The following XYLT1 variants were observed in gnomAD, a reference collection of about 807,000 sequenced individuals.
XYLT1 encodes beta-D-xylosyltransferase 1.
A neutral mutation model predicts 91.3 loss-of-function variants in XYLT1; 36 were observed. That is an observed-to-expected ratio of 0.39 (90% CI 0.30 to 0.52). The LOEUF (loss-of-function observed/expected upper bound fraction) is 0.52. Among genes scored for constraint, XYLT1 ranks in the 20% least tolerant of loss-of-function variants. XYLT1 has a pLI of 0.68. For missense variants in XYLT1, 1,242 were observed against 1,284.5 expected (o/e 0.97, Z 0.51); for synonymous variants, 588 against 532.0 (o/e 1.11, Z -1.45).
intron 1 of XYLT1, among the ~76,000 whole-genome samples, chr16:17,390,208 C>T (rs953177369): frequency 3.3e-5 from 5 of 152,044 alleles, no homozygotes; most frequent in African/African-American, 1.2e-4. Context: ...AATATAGGGC[C>T]CTGAGCCGAA....
intron 2 of XYLT1, among the ~76,000 whole-genome samples, chr16:17,305,656 C>A (rs1179611466): frequency 6.6e-6 from 1 of 151,926 alleles, no homozygotes; most frequent in Non-Finnish European, 1.5e-5. Context: ...CCTCATGATC[C>A]CTCCACCACC....
intron 2 of XYLT1, among the ~76,000 whole-genome samples, chr16:17,349,112 T>C (rs976125135): frequency 6.6e-6 from 1 of 152,220 alleles, no homozygotes; most frequent in South Asian, 2.1e-4. Flanking sequence ...AAGGTGCCAC[T>C]GCTGTGCTCA....
At chr16:17,315,112 A>C (rs2034608084) in intron 2 of XYLT1, among the ~76,000 whole-genome samples, 1 of 152,220 alleles carries the variant, frequency 6.6e-6, no homozygotes, top group Admixed American at 6.5e-5. Context: ...AAAAGGCAGA[A>C]GGAGGGAGGA....
chr16:17,264,562 T>C (rs2033773035), intron 2 of XYLT1, among the ~76,000 whole-genome samples: 1 of 152,240 alleles, frequency 6.6e-6, no homozygotes, highest in Admixed American at 6.5e-5. Context: ...CTGTCCTTTC[T>C]GTGGAGACTC....
chr16:17,204,966 CAAAAAAAAAAAAAAA>C (rs530525798), intron 3 of XYLT1, among the ~76,000 whole-genome samples: 8 of 81,288 alleles, frequency 9.8e-5, no homozygotes, highest in African/African-American at 3.6e-4. Context: ...TGCCCAGCTC[CAAAAAAAAAAAAAAA>C]AAAAAAAAAG....
chr16:17,232,245 ATATT>A (rs2033170338), intron 3 of XYLT1, among the ~76,000 whole-genome samples: 2 of 142,568 alleles, frequency 1.4e-5, no homozygotes, highest in South Asian at 2.1e-4. Flanking sequence ...TATATGTAAT[ATATT>A]ATATATAATT....
chr16:17,113,436 C>T (rs1966846224), intron 11 of XYLT1, among the ~76,000 whole-genome samples: 1 of 152,230 alleles, frequency 6.6e-6, no homozygotes, highest in Non-Finnish European at 1.5e-5. Flanking sequence ...AGCCACTGCA[C>T]CAGGCCATGA....
chr16:17,387,972 T>A (rs2035767189), intron 1 of XYLT1, among the ~76,000 whole-genome samples: 1 of 152,208 alleles, frequency 6.6e-6, no homozygotes, highest in African/African-American at 2.4e-5. Context: ...TATCTTAGAC[T>A]GATGCTCGTG....
At chr16:17,183,269 G>GATC (rs2032110355) in intron 5 of XYLT1, among the ~76,000 whole-genome samples, 1 of 152,120 alleles carries the variant, frequency 6.6e-6, no homozygotes, top group Non-Finnish European at 1.5e-5. Context: ...TAAACATTAG[G>GATC]TCACTCTGGA....
At chr16:17,141,100 A>G in intron 7 of XYLT1, 53 bp downstream of exon 7, 1 of 1,567,744 alleles carries the variant, frequency 6.4e-7, no homozygotes, top group Non-Finnish European at 8.7e-7. Context: ...GCTTTGCCAC[A>G]AAGGCTAGAA....
At chr16:17,160,532 T>C (rs1408220445) in intron 5 of XYLT1, among the ~76,000 whole-genome samples, 1 of 152,182 alleles carries the variant, frequency 6.6e-6, no homozygotes, top group Non-Finnish European at 1.5e-5. Flanking sequence ...ATCCTATTAC[T>C]GAAATAAACA....
intron 1 of XYLT1, among the ~76,000 whole-genome samples, chr16:17,366,971 G>A (rs940636735): frequency 2.0e-5 from 3 of 152,016 alleles, no homozygotes; most frequent in Admixed American, 2.0e-4. Flanking sequence ...GCCATAAGGA[G>A]CACTGAATTG....
Position 17,361,451 on chromosome 16 carries a change from T to C in XYLT1, c.364-3401A>G, listed in dbSNP as rs183957513. ...TATACTTTCTAAACACTGACCTCGA[T>C]AGATCAAAAAGTGTTGTCACAAACA... On this transcript the variant is annotated intron_variant, in intron 1 of 11. Coordinates refer to ENST00000261381, the MANE Select transcript of XYLT1 (RefSeq NM_022166.4). Among the ~76,000 whole-genome samples the C allele has an allele frequency of 1.2e-4, 19 of 152,376 alleles. No individual in the cohort carries two copies. The East Asian group carries it at 2.7e-3, about 22-fold the overall frequency.
At chr16:17,290,412 G>A (rs1406382545) in intron 2 of XYLT1, among the ~76,000 whole-genome samples, 1 of 152,222 alleles carries the variant, frequency 6.6e-6, no homozygotes, top group Non-Finnish European at 1.5e-5. Context: ...CCGGGACCTG[G>A]CATGGATGAA....
At chr16:17,282,027 G>A (rs1443725515) in intron 2 of XYLT1, among the ~76,000 whole-genome samples, 1 of 152,148 alleles carries the variant, frequency 6.6e-6, no homozygotes, top group Non-Finnish European at 1.5e-5. Context: ...CCTTAATCTG[G>A]CTGTCTTCCC....
chr16:17,116,941 C>T (rs971082869), intron 11 of XYLT1, among the ~76,000 whole-genome samples: 10 of 152,080 alleles, frequency 6.6e-5, no homozygotes, highest in Non-Finnish European at 1.0e-4. Flanking sequence ...ATGTTCTCTC[C>T]TCCATTTTTT....
chr16:17,410,504 G>A (rs180804151), intron 1 of XYLT1, among the ~76,000 whole-genome samples: 1 of 152,138 alleles, frequency 6.6e-6, no homozygotes, highest in Admixed American at 6.5e-5. Context: ...TCACTATCAC[G>A]AGAACAGCGC....
chr16:17,375,699 T>C (rs952600867), intron 1 of XYLT1, among the ~76,000 whole-genome samples: 2 of 152,222 alleles, frequency 1.3e-5, no homozygotes, highest in Non-Finnish European at 2.9e-5. Context: ...GCCGGGAACA[T>C]GCTCCTGGGC....
chr16:17,202,345 C>T (rs995556761), intron 3 of XYLT1, among the ~76,000 whole-genome samples: 1 of 152,176 alleles, frequency 6.6e-6, no homozygotes, highest in Non-Finnish European at 1.5e-5. Flanking sequence ...GAACGAGGCT[C>T]TTTCTACGTA....
Sources: allele counts gnomAD v4.1 joint callset (sites outside exome capture counted in the v4.1 genomes callset), GRCh38; gene constraint gnomAD v4.1.1; transcripts MANE v1.5; gene names NCBI Gene and HGNC (gene_info 2026-07-23, HGNC 2026-07-21).